Variants in NHSL3 observed in about 807,000 individuals in gnomAD.
NHSL3 encodes the protein NHS like 3, also known as NHS-like protein 3.
the NHSL3 span, among the ~76,000 whole-genome samples, chr1:32,743,397 G>T: frequency 6.6e-6 from 1 of 152,164 alleles, no homozygotes; most frequent in Admixed American, 6.5e-5. Flanking sequence ...GCTTCCCTGC[G>T]GCACAGCCAC....
chr1:32,770,139 C>T, the NHSL3 span: 1 of 1,579,050 alleles, frequency 6.3e-7, no homozygotes, highest in African/African-American at 1.3e-5. The surrounding 1 kb of genome is among the most constrained non-coding windows in gnomAD (Gnocchi z 8.3). Context: ...TGACCCGGCC[C>T]ATGTCCCTAG....
At chr1:32,772,452 C>A in the NHSL3 span, 1 of 1,516,854 alleles carries the variant, frequency 6.6e-7, no homozygotes, top group Non-Finnish European at 8.8e-7. Context: ...GTACAGTGGG[C>A]AGTGCTAGGG....
the NHSL3 span, among the ~76,000 whole-genome samples, chr1:32,760,424 C>T: frequency 1.5e-3 from 231 of 152,324 alleles, 1 homozygote; most frequent in Admixed American, 3.4e-3. Flanking sequence ...CCCGATTCTT[C>T]CCTTTCCCCA....
chr1:32,772,334 C>T, the NHSL3 span: 1 of 1,610,450 alleles, frequency 6.2e-7, no homozygotes, highest in South Asian at 1.1e-5. Flanking sequence ...GCTCCTCCCA[C>T]CAATGGGCTC....
chr1:32,770,493 T>C, the NHSL3 span: 2 of 1,571,704 alleles, frequency 1.3e-6, no homozygotes, highest in Non-Finnish European at 1.7e-6. This position sits in a 1 kb window ranked among gnomAD's most constrained non-coding sequence, Gnocchi z 8.3. Flanking sequence ...AGGGTGGCTC[T>C]GAGGGCCAGC....
At chr1:32,769,857 C>T in the NHSL3 span, 1 of 1,611,478 alleles carries the variant, frequency 6.2e-7, no homozygotes, top group Non-Finnish European at 8.5e-7. Flanking sequence ...CTGCTGACCC[C>T]ACCTCCTCCC....
chr1:32,763,526 A>G, the NHSL3 span, among the ~76,000 whole-genome samples: 23,493 of 152,202 alleles, frequency 0.15, 2,111 homozygotes, highest in Middle Eastern at 0.25. Flanking sequence ...CTGGCTCCTC[A>G]GTATTCAAGT....
the NHSL3 span, chr1:32,767,895 C>T: frequency 6.2e-7 from 1 of 1,614,046 alleles, no homozygotes; most frequent in Non-Finnish European, 8.5e-7. Context: ...AGTGGGCGAC[C>T]CCCCCACCTG....
the NHSL3 span, among the ~76,000 whole-genome samples, chr1:32,768,462 G>A: frequency 6.6e-6 from 1 of 152,162 alleles, no homozygotes; most frequent in South Asian, 2.1e-4. Context: ...GGCATGGTGG[G>A]AGGGTACCTA....
chr1:32,770,202 C>A, the NHSL3 span: 2 of 1,604,820 alleles, frequency 1.2e-6, no homozygotes, highest in Non-Finnish European at 1.7e-6. This position sits in a 1 kb window ranked among gnomAD's most constrained non-coding sequence, Gnocchi z 8.3. Flanking sequence ...TGAGCCCGGC[C>A]ATGTCCATCT....
chr1:32,772,222 C>T, the NHSL3 span: 7 of 1,609,020 alleles, frequency 4.4e-6, no homozygotes, highest in South Asian at 6.6e-5. Flanking sequence ...ACCCCAGGCC[C>T]CAAAGAAGTC....
At chr1:32,741,989 C>T in the NHSL3 span, 2 of 1,190,400 alleles carry the variant, frequency 1.7e-6, no homozygotes, top group Non-Finnish European at 2.1e-6. This position sits in a 1 kb window ranked among gnomAD's most constrained non-coding sequence, Gnocchi z 4.3. Context: ...GCACCTGCGG[C>T]CGAGGAGCCG....
At chr1:32,774,621 C>T in the NHSL3 span, 1 of 152,454 alleles carries the variant, frequency 6.6e-6, no homozygotes, top group Admixed American at 6.6e-5. Flanking sequence ...ACTTCTCTTT[C>T]CCTCTCCCTC....
chr1:32,771,407 C>T, the NHSL3 span: 3 of 1,589,360 alleles, frequency 1.9e-6, no homozygotes, highest in Admixed American at 3.4e-5. Flanking sequence ...CCCCCACCAC[C>T]CACTAAGAAG....
the NHSL3 span, chr1:32,742,055 T>C: frequency 7.9e-7 from 1 of 1,261,538 alleles, no homozygotes; most frequent in Non-Finnish European, 1.0e-6. Context: ...GCGTCCGGCC[T>C]CCGCCGCGCC....
chr1:32,771,991 G>A, the NHSL3 span: 1 of 1,604,042 alleles, frequency 6.2e-7, no homozygotes. Flanking sequence ...CCGACTCAAG[G>A]CCTGCAGCCT....
the NHSL3 span, among the ~76,000 whole-genome samples, chr1:32,757,333 T>G: frequency 7.8e-6 from 1 of 127,586 alleles, no homozygotes; most frequent in Non-Finnish European, 1.7e-5. Flanking sequence ...GGCTCTAGGG[T>G]GGGGGCAGGT....
the NHSL3 span, among the ~76,000 whole-genome samples, chr1:32,756,470 A>ACCCCCCCCC: frequency 1.1e-3 from 57 of 50,540 alleles, 3 homozygotes; most frequent in Non-Finnish European, 1.4e-3. Context: ...ACATGACGAG[A>ACCCCCCCCC]CCCCCCCCCC....
the NHSL3 span, chr1:32,754,118 C>T: frequency 5.6e-6 from 4 of 711,186 alleles, no homozygotes; most frequent in African/African-American, 3.5e-5. Flanking sequence ...AAGAGGAAGG[C>T]CCCCAGCGGT....
Sources: allele counts gnomAD v4.1 joint callset (sites outside exome capture counted in the v4.1 genomes callset), GRCh38; gene constraint gnomAD v4.1.1; non-coding constraint Gnocchi (gnomAD v3.1); transcripts MANE v1.5; gene names NCBI Gene and HGNC (gene_info 2026-07-23, HGNC 2026-07-21).